The following DLG2 variants were observed in gnomAD, a reference collection of about 807,000 sequenced individuals.
DLG2 encodes discs large MAGUK scaffold protein 2, also known as disks large homolog 2.
A neutral mutation model predicts 132.5 loss-of-function variants in DLG2; 45 were observed. The ratio of observed to expected loss-of-function variants is 0.34; its 90% CI spans 0.27 to 0.44. DLG2 has a LOEUF of 0.44. Ranked by LOEUF, DLG2 falls within the 20% of genes least tolerant of loss-of-function variation. DLG2 has a pLI of 1.00. For synonymous variants in DLG2, 424 were observed against 419.6 expected (o/e 1.01, Z -0.13); for missense variants, 1,045 against 1,196.9 (o/e 0.87, Z 1.87).
intron 6 of DLG2, among the ~76,000 whole-genome samples, chr11:84,840,675 G>A (rs1331491785): frequency 6.6e-6 from 1 of 152,104 alleles, no homozygotes; most frequent in Non-Finnish European, 1.5e-5. Flanking sequence ...AAAAGGATGA[G>A]TTTATGTCCT....
chr11:84,166,500 C>CAAAAAAAAAAAAAAAAAAAAAAAA (rs398016937), intron 8 of DLG2, among the ~76,000 whole-genome samples: 1 of 81,034 alleles, frequency 1.2e-5, no homozygotes. Flanking sequence ...GACTCTGCTT[C>CAAAAAAAAAAAAAAAAAAAAAAAA]AAAAAAAAAA....
chr11:84,728,785 T>G lies in DLG2; in HGVS notation c.358-194054A>C, dbSNP rs533368691. On this transcript the variant is annotated intron_variant, in intron 6 of 27. Transcript: ENST00000376104. ...ATTTCAGAACTTGTTATTGGTTTATTCAGGGATTCAACTTCTTCCTGGTTT... is the reference window on the plus strand; with the variant it reads ...ATTTCAGAACTTGTTATTGGTTTATGCAGGGATTCAACTTCTTCCTGGTTT... Among the ~76,000 whole-genome samples, 5 of 152,316 alleles carry G rather than the reference T, an allele frequency of 3.3e-5. No individual in the cohort carries two copies. The South Asian group carries it at 8.3e-4, about 25-fold the overall frequency.
At chr11:84,539,566 C>G (rs1300281765) in intron 6 of DLG2, among the ~76,000 whole-genome samples, 1 of 152,146 alleles carries the variant, frequency 6.6e-6, no homozygotes, top group Non-Finnish European at 1.5e-5. Context: ...TTGAAGGGGA[C>G]TTGAGTAAAA....
At chr11:84,629,288 A>C (rs2154543519) in intron 6 of DLG2, among the ~76,000 whole-genome samples, 1 of 152,368 alleles carries the variant, frequency 6.6e-6, no homozygotes, top group African/African-American at 2.4e-5. Context: ...GTAAAGGGAA[A>C]TATAAGATCA....
chr11:84,082,162 T>G (rs1265488803), intron 10 of DLG2, among the ~76,000 whole-genome samples: 1 of 152,148 alleles, frequency 6.6e-6, no homozygotes, highest in African/African-American at 2.4e-5. Context: ...CATAACACAG[T>G]CATTTTATTT....
chr11:84,030,040 T>C (rs10792705), intron 11 of DLG2, among the ~76,000 whole-genome samples: 96,132 of 151,924 alleles, frequency 0.63, 33,321 homozygotes, highest in Non-Finnish European at 0.78. Flanking sequence ...CTTTATCTAT[T>C]TGTCTCTCTC....
chr11:84,950,604 G>A (rs1417657474), intron 6 of DLG2, among the ~76,000 whole-genome samples: 1 of 152,118 alleles, frequency 6.6e-6, no homozygotes, highest in Non-Finnish European at 1.5e-5. Context: ...CACTATAGTA[G>A]GTATTGATTA....
chr11:84,542,105 A>G (rs184646069), intron 6 of DLG2, among the ~76,000 whole-genome samples: 19 of 151,766 alleles, frequency 1.3e-4, no homozygotes, highest in Admixed American at 1.3e-3. Context: ...TCCCCCTTGT[A>G]GCAGGAGTTG....
chr11:83,542,110 G>A (rs1214533345), intron 19 of DLG2, among the ~76,000 whole-genome samples: 4 of 152,018 alleles, frequency 2.6e-5, no homozygotes, highest in Non-Finnish European at 5.9e-5. Context: ...TCTTTTCTTG[G>A]AGACCATCAG....
chr11:83,951,154 T>C (rs1351756407), intron 14 of DLG2, among the ~76,000 whole-genome samples: 2 of 152,092 alleles, frequency 1.3e-5, no homozygotes, highest in African/African-American at 4.8e-5. Context: ...CATTTCCATA[T>C]ACAGCTGATG....
At chr11:85,026,758 ACTGGGGAGGCAGAG>A (rs2060556895) in intron 6 of DLG2, among the ~76,000 whole-genome samples, 1 of 152,078 alleles carries the variant, frequency 6.6e-6, no homozygotes, top group African/African-American at 2.4e-5. Flanking sequence ...AATGGCGTGA[ACTGGGGAGGCAGAG>A]CTTACAGTGA....
intron 3 of DLG2, among the ~76,000 whole-genome samples, chr11:85,484,737 C>G (rs1267857074): frequency 1.1e-3 from 163 of 150,700 alleles, no homozygotes; most frequent in African/African-American, 3.8e-3. Context: ...AATAGGAACA[C>G]TTTTACACTG....
chr11:85,025,858 T>A (rs1382667154), intron 6 of DLG2, among the ~76,000 whole-genome samples: 1 of 151,790 alleles, frequency 6.6e-6, no homozygotes, highest in Non-Finnish European at 1.5e-5. Context: ...ATGATAAACA[T>A]AACATTCTAC....
At chr11:84,644,723 A>G (rs540964322) in intron 6 of DLG2, among the ~76,000 whole-genome samples, 40 of 146,524 alleles carry the variant, frequency 2.7e-4, no homozygotes, top group African/African-American at 9.5e-4. Flanking sequence ...AAAAAAAAAG[A>G]TGTCTTATGG....
intron 3 of DLG2, among the ~76,000 whole-genome samples, chr11:85,390,098 T>C (rs1482656907): frequency 6.6e-6 from 1 of 152,092 alleles, no homozygotes; most frequent in Admixed American, 6.6e-5. Flanking sequence ...GTATCTGCTG[T>C]CTTCAAGAAA....
chr11:84,115,096 T>C (rs1381055287), intron 9 of DLG2, among the ~76,000 whole-genome samples: 1 of 152,218 alleles, frequency 6.6e-6, no homozygotes, highest in Non-Finnish European at 1.5e-5. Context: ...TTCAAAGACC[T>C]AACTTTCTGT....
intron 19 of DLG2, among the ~76,000 whole-genome samples, chr11:83,617,241 T>G (rs1436995526): frequency 6.6e-6 from 1 of 152,212 alleles, no homozygotes; most frequent in African/African-American, 2.4e-5. Context: ...TATATCAGTT[T>G]GGGAGAAATG....
intron 3 of DLG2, among the ~76,000 whole-genome samples, chr11:85,323,199 T>C (rs1435876454): frequency 1.3e-5 from 2 of 152,196 alleles, no homozygotes; most frequent in Admixed American, 1.3e-4. Context: ...ATTAGTATTC[T>C]ACCCTCTTCC....
At chr11:84,999,225 T>G (rs1239002051) in intron 6 of DLG2, among the ~76,000 whole-genome samples, 1 of 152,094 alleles carries the variant, frequency 6.6e-6, no homozygotes, top group Admixed American at 6.6e-5. Context: ...AAGGGCATCC[T>G]ACATTACAAG....
Sources: gnomAD v4.1 joint callset for allele counts (sites outside exome capture counted in the v4.1 genomes callset) on GRCh38, gnomAD v4.1.1 for gene constraint, MANE v1.5 for transcripts, NCBI Gene and HGNC (gene_info 2026-07-23, HGNC 2026-07-21) for gene names.